The following PDE11A variants were observed in gnomAD, a reference collection of about 807,000 sequenced individuals.
The protein encoded by PDE11A is dual 3',5'-cyclic-AMP and -GMP phosphodiesterase 11A.
A neutral mutation model predicts 100.5 loss-of-function variants in PDE11A; 100 were observed. That is an observed-to-expected ratio of 1.00 (90% confidence interval 0.85 to 1.18). The LOEUF (loss-of-function observed/expected upper bound fraction) is 1.18. PDE11A is among the 50% of genes most tolerant of loss of function. The pLI is 0.00. For missense variants in PDE11A, 1,141 were observed against 1,152.6 expected, an observed-to-expected ratio of 0.99 and a Z score of 0.15; for synonymous variants, 381 against 420.8, an observed-to-expected ratio of 0.91 and a Z score of 1.16.
Position 177,830,631 on chromosome 2 carries a change from T to C in PDE11A, c.1500+9620A>G, listed in dbSNP as rs1245756423. On this transcript the variant is annotated intron_variant, in intron 6 of 19. Coordinates refer to ENST00000286063, the MANE Select transcript of PDE11A (RefSeq NM_016953.4). ...ATAATAATAATAATAATAATAATAA[T>C]AATAATAATAATAATAATCAGGTGT... Among the ~76,000 whole-genome samples the C allele has an allele frequency of 2.7e-5, 4 of 148,056 alleles. No homozygotes were observed. In the East Asian group the frequency reaches 7.8e-4, roughly 29 times the overall value.
chr2:177,665,856 C>CAA (rs3056853), intron 18 of PDE11A, among the ~76,000 whole-genome samples: 1 of 137,306 alleles, frequency 7.3e-6, no homozygotes, highest in Non-Finnish European at 1.6e-5. Flanking sequence ...GACTCCATCT[C>CAA]AAAAAAAAAA....
chr2:178,080,199 T>C (rs1005326079), intron 2 of PDE11A, among the ~76,000 whole-genome samples: 4 of 152,214 alleles, frequency 2.6e-5, no homozygotes, highest in Non-Finnish European at 5.9e-5. Flanking sequence ...TTTGGTGTTT[T>C]TGTCATGAAA....
chr2:177,883,859 G>A (rs997877167), intron 4 of PDE11A, among the ~76,000 whole-genome samples: 1 of 152,260 alleles, frequency 6.6e-6, no homozygotes, highest in African/African-American at 2.4e-5. Context: ...TGAGATCCTG[G>A]AGGTGATTTT....
In PDE11A at chr2:177,650,603, A is replaced by G. The variant is rs371962597; in HGVS notation, c.2646+13263T>C. 3.2e-4 allele frequency among the ~76,000 whole-genome samples: 49 copies of G among 152,314 alleles called. 1 individual carries two copies. In the East Asian group the frequency reaches 8.7e-3, roughly 27 times the overall value. On this transcript the variant is annotated intron_variant, in intron 19 of 19. Coordinates refer to ENST00000286063, the MANE Select transcript of PDE11A (RefSeq NM_016953.4). ...TTTTTGCTTGTTTGAAAGCAAGCAG[A>G]ACTTGCTACTTCAGTAGATTTCCTT...
At chr2:177,997,141 A>G in intron 2 of PDE11A, 1 of 970,354 alleles carries the variant, frequency 1.0e-6, no homozygotes, top group Non-Finnish European at 1.6e-6. Context: ...AATGAGTAGT[A>G]GAATTTAAGT....
At chr2:177,689,192 C>T (rs868451840) in intron 15 of PDE11A, among the ~76,000 whole-genome samples, 4 of 152,172 alleles carry the variant, frequency 2.6e-5, no homozygotes, top group African/African-American at 7.2e-5. Flanking sequence ...AAGAGATTCT[C>T]CTGCCTCAGC....
At chr2:178,032,901 C>T (rs2086567169) in intron 1 of PDE11A, among the ~76,000 whole-genome samples, 1 of 152,112 alleles carries the variant, frequency 6.6e-6, no homozygotes. Context: ...TCATCAGCCT[C>T]AAAGATCAAA....
chr2:177,832,775 A>G (rs1340061824), intron 6 of PDE11A, among the ~76,000 whole-genome samples: 1 of 152,148 alleles, frequency 6.6e-6, no homozygotes, highest in Non-Finnish European at 1.5e-5. Context: ...TCCAGTAAGC[A>G]TGCAGACAAC....
chr2:177,675,976 T>A (rs1442997112), intron 16 of PDE11A: 1 of 302,000 alleles, frequency 3.3e-6, no homozygotes, highest in Non-Finnish European at 6.4e-6. Context: ...GCAAGGCACA[T>A]GCCACATAAG....
intron 5 of PDE11A, among the ~76,000 whole-genome samples, chr2:177,871,550 A>T (rs2084134997): frequency 6.8e-6 from 1 of 146,892 alleles, no homozygotes; most frequent in Non-Finnish European, 1.5e-5. Context: ...TATTATTATT[A>T]TTATTATTAT....
At chr2:177,959,398 A>G (rs2085604920) in intron 2 of PDE11A, among the ~76,000 whole-genome samples, 1 of 152,190 alleles carries the variant, frequency 6.6e-6, no homozygotes, top group South Asian at 2.1e-4. Context: ...GATCTGATTT[A>G]CAGTTTTAAA....
At chr2:177,811,962 C>T (rs141892361) in intron 9 of PDE11A, among the ~76,000 whole-genome samples, 378 of 152,028 alleles carry the variant, frequency 2.5e-3, no homozygotes, top group African/African-American at 8.1e-3. Context: ...ATAAAACAGG[C>T]GAAAAAATTA....
intron 1 of PDE11A, among the ~76,000 whole-genome samples, chr2:178,104,707 G>C (rs1369515): frequency 0.21 from 31,580 of 152,102 alleles, 3,305 homozygotes; most frequent in South Asian, 0.23. Context: ...CTTATTTTAA[G>C]TTTCTAGCCA....
intron 1 of PDE11A, among the ~76,000 whole-genome samples, chr2:178,027,913 G>T (rs1352296181): frequency 6.6e-6 from 1 of 152,040 alleles, no homozygotes; most frequent in Non-Finnish European, 1.5e-5. Flanking sequence ...CCAAAAGAAT[G>T]AATACTATCA....
chr2:177,717,217 T>C (rs532117951), intron 12 of PDE11A, among the ~76,000 whole-genome samples: 6 of 152,310 alleles, frequency 3.9e-5, no homozygotes, highest in South Asian at 2.1e-4. Flanking sequence ...CTCTTGACTG[T>C]GATTTAAAGC....
intron 9 of PDE11A, among the ~76,000 whole-genome samples, chr2:177,790,475 A>G (rs1169672427): frequency 1.3e-4 from 20 of 151,990 alleles, no homozygotes; most frequent in Middle Eastern, 3.4e-3. Flanking sequence ...GGACATAGGC[A>G]AGGGCAAGGA....
At chr2:177,689,613 A>G (rs944376880) in intron 15 of PDE11A, among the ~76,000 whole-genome samples, 1 of 152,238 alleles carries the variant, frequency 6.6e-6, no homozygotes, top group Non-Finnish European at 1.5e-5. Context: ...AACTCCAGTT[A>G]TTATGACTAA....
chr2:177,998,662 CT>C, intron 2 of PDE11A: 1 of 1,237,582 alleles, frequency 8.1e-7, no homozygotes, highest in Non-Finnish European at 1.2e-6. Flanking sequence ...TTAGTACCAC[CT>C]TTCACACCAT....
At chr2:177,832,450 A>G (rs2083325862) in intron 6 of PDE11A, among the ~76,000 whole-genome samples, 1 of 152,184 alleles carries the variant, frequency 6.6e-6, no homozygotes, top group Admixed American at 6.5e-5. Flanking sequence ...TCGGTCTCCA[A>G]GTTCCTCAGC....
Sources: allele counts gnomAD v4.1 joint callset (sites outside exome capture counted in the v4.1 genomes callset), GRCh38; gene constraint gnomAD v4.1.1; transcripts MANE v1.5; gene names NCBI Gene and HGNC (gene_info 2026-07-23, HGNC 2026-07-21).